Variants in ATG5 observed in about 807,000 individuals in gnomAD.
ATG5 encodes the protein autophagy related 5, also known as autophagy protein 5.
A neutral mutation model predicts 36.5 loss-of-function variants in ATG5; 14 were observed. That is an observed-to-expected ratio of 0.38 (90% confidence interval 0.25 to 0.60). The LOEUF (loss-of-function observed/expected upper bound fraction) is 0.60, where lower values mean the gene tolerates loss of function less well. ATG5 is among the 20% of genes least tolerant of loss of function. ATG5 has a pLI of 0.60. For missense variants in ATG5, 195 were observed against 326.7 expected (o/e 0.60, Z 3.11); for synonymous variants, 95 against 101.5 (o/e 0.94, Z 0.38).
intron 4 of ATG5, chr6:106,283,356 A>G (rs1779951038): frequency 6.6e-6 from 1 of 152,178 alleles, no homozygotes; most frequent in Non-Finnish European, 1.5e-5. Context: ...ACAGAGTAAC[A>G]AAGCTTGTAA....
In ATG5 at chr6:106,199,615, T is replaced by C. The variant is rs537452216; in HGVS notation, c.691+2357A>G. On this transcript the variant is annotated intron_variant, in intron 7 of 7. Coordinates refer to ENST00000369076, the MANE Select transcript of ATG5 (RefSeq NM_004849.4). ...TGGAAATGTTCTAAAAACCAAATTG[T>C]GGTGATGGTTGCACAACTCTATAAA... is the stretch of plus-strand genomic sequence containing the variant. Among the ~76,000 whole-genome samples, 4 of 152,286 alleles carry C rather than the reference T, an allele frequency of 2.6e-5. No homozygotes were observed. In the East Asian group the frequency reaches 5.8e-4, roughly 22 times the overall value.
chr6:106,253,598 C>G (rs1191753820), intron 5 of ATG5, among the ~76,000 whole-genome samples: 2 of 152,158 alleles, frequency 1.3e-5, no homozygotes, highest in Non-Finnish European at 2.9e-5. Flanking sequence ...AATTACTTCT[C>G]TCCGTGTTCA....
chr6:106,293,132 G>A, intron 3 of ATG5, 26 bp from the exon 4 acceptor site: 3 of 1,583,218 alleles, frequency 1.9e-6, no homozygotes, highest in Non-Finnish European at 2.6e-6. Context: ...TATATTTTGA[G>A]AAAATAAATA....
At chr6:106,289,921 T>C (rs1366836582) in intron 4 of ATG5, among the ~76,000 whole-genome samples, 1 of 152,170 alleles carries the variant, frequency 6.6e-6, no homozygotes, top group Non-Finnish European at 1.5e-5. Flanking sequence ...TAAAGAAAAT[T>C]CAGGCTCACA....
Position 106,293,031 on chromosome 6 carries a change from A to G in ATG5, c.312T>C (p.Phe104=). 6.2e-7 allele frequency: 1 copy of G among 1,612,008 alleles called. No homozygotes were observed. The highest frequency in any genetic ancestry group is 1.1e-5 in the South Asian group (1 of 90,888). The change falls in exon 4 of 8, where the codon TTT becomes TTC. Residue 104 remains phenylalanine, a synonymous_variant. Transcript: ENST00000369076. The part of the protein sequence containing the change: ...SALPWNITVH[F]KSFPEKDLLH... ...GGAGAAATGCAATTTACTATACCTT[A>G]AAATGTACTGTGATGTTCCAAGGAA...
At position 106,202,077 on chromosome 6, in the gene ATG5, T is replaced by C. The variant is rs779600061; in HGVS notation, c.586A>G (p.Arg196Gly). 6.8e-6 allele frequency: 11 copies of C among 1,613,706 alleles called. No homozygotes were observed. Among genetic ancestry groups the C allele is most frequent in the Non-Finnish European group, 9.3e-6 (11 of 1,179,642 alleles). Residue 196 changes from arginine to glycine, a missense_variant, in exon 7 of 8, where the codon AGA (arginine) becomes GGA (glycine). Physicochemically the swap from Arg to Gly is moderately radical, Grantham distance 125 (BLOSUM62 -2). Coordinates refer to ENST00000369076, the MANE Select transcript of ATG5 (RefSeq NM_004849.4). ...CGAAACAGCTTCTGAATGAAAGGTC[T>C]TTCAGTCGTTGTCTATTTGAAAAAG... ...PFRIYQTTTE[R>G]PFIQKLFRPV...
At chr6:106,201,780 G>A (rs1776440918) in intron 7 of ATG5, 192 bp downstream of exon 7, 3 of 360,864 alleles carry the variant, frequency 8.3e-6, no homozygotes, top group Admixed American at 4.3e-5. Flanking sequence ...CGCCAGTCGA[G>A]TCATCATTTT....
In ATG5 at chr6:106,186,596, G is replaced by A; in HGVS notation, c.772C>T (p.Leu258=). 1 of 1,613,716 alleles carries A rather than the reference G, an allele frequency of 6.2e-7. No individual in the cohort carries two copies. The highest frequency in any genetic ancestry group is 8.5e-7 in the Non-Finnish European group (1 of 1,179,694). Residue 258 remains leucine (L), a synonymous_variant, in exon 8 of 8, where the codon CTG becomes TTG. Transcript: ENST00000369076. ...TGAAGAAAATTATCCGGGTAGCTCAGATGTTCACTCAGCCACTGCAGAGGT... is the reference window on the plus strand; with the variant it reads ...TGAAGAAAATTATCCGGGTAGCTCAAATGTTCACTCAGCCACTGCAGAGGT... ...ETPLQWLSEH[L]SYPDNFLHIS...
chr6:106,184,706 T>G lies in ATG5; in HGVS notation c.*1834A>C, dbSNP rs1775702470. On this transcript the variant is annotated 3_prime_UTR_variant, in exon 8 of 8. Coordinates refer to ENST00000369076, the MANE Select transcript of ATG5 (RefSeq NM_004849.4). ...TTTACTTTCAAATCTAGATCAGAAG[T>G]TCACTCAAGCCTACTGCAAAGGCCT... is the stretch of plus-strand genomic sequence containing the variant. 6.6e-6 allele frequency: 1 copy of G among 152,256 alleles called. No individual in the cohort carries two copies. Among genetic ancestry groups the G allele is most frequent in the African/African-American group, 2.4e-5 (1 of 41,444 alleles). 9.4% of individuals were successfully genotyped at this position (152,256 alleles called of 1,614,324 possible).
In ATG5 at chr6:106,292,894, C is replaced by T. The variant is rs1780371481; in HGVS notation, c.315+134G>A. 2 of 661,446 alleles carry T rather than the reference C, an allele frequency of 3.0e-6. 1 individual carries two copies. The allele number at this position is 661,446 out of a possible 1,614,324, so 41.0% of individuals were successfully genotyped here. A position where few individuals can be genotyped will look rare whatever the true frequency, so the allele number is the denominator to read the frequency against. On this transcript the variant is annotated intron_variant, in intron 4 of 7. Transcript: ENST00000369076. ...TTGAAAAGTATCTTATAGACAAATA[C>T]TAATCGAAGCTTAGCAACTAAAACA...
At chr6:106,189,278 G>A (rs1003705633) in intron 7 of ATG5, among the ~76,000 whole-genome samples, 9 of 151,982 alleles carry the variant, frequency 5.9e-5, no homozygotes, top group African/African-American at 1.9e-4. Context: ...TAACAACAAA[G>A]TATGAAGGAC....
intron 5 of ATG5, among the ~76,000 whole-genome samples, chr6:106,276,045 C>G (rs1477712279): frequency 1.3e-5 from 2 of 152,232 alleles, no homozygotes; most frequent in Non-Finnish European, 2.9e-5. Context: ...TGACTTCTCA[C>G]TAACTCTTTT....
chr6:106,283,749 G>C (rs147486548), intron 4 of ATG5: 4 of 152,184 alleles, frequency 2.6e-5, no homozygotes, highest in Non-Finnish European at 5.9e-5. Flanking sequence ...CCAATGAAAC[G>C]ATCTGTGCAG....
At chr6:106,282,819 C>G (rs1028977798) in intron 4 of ATG5, among the ~76,000 whole-genome samples, 1 of 152,114 alleles carries the variant, frequency 6.6e-6, no homozygotes, top group Non-Finnish European at 1.5e-5. Flanking sequence ...GAGGGTCTCA[C>G]TGTGCCACCC....
At chr6:106,281,419 AT>A (rs1256962241) in intron 4 of ATG5, among the ~76,000 whole-genome samples, 1 of 152,210 alleles carries the variant, frequency 6.6e-6, no homozygotes, top group Non-Finnish European at 1.5e-5. Context: ...ATAAAATCTC[AT>A]ATAAACAGAA....
chr6:106,264,039 ACT>A (rs1290724594), intron 5 of ATG5, among the ~76,000 whole-genome samples: 1 of 152,116 alleles, frequency 6.6e-6, no homozygotes, highest in Non-Finnish European at 1.5e-5. Context: ...GTAATAACAA[ACT>A]CTTCTGAGCT....
chr6:106,232,069 C>T (rs922642671), intron 6 of ATG5, among the ~76,000 whole-genome samples: 2 of 152,208 alleles, frequency 1.3e-5, no homozygotes, highest in Admixed American at 6.5e-5. Flanking sequence ...CGTAGGTCCT[C>T]TGAGTCAGAA....
At chr6:106,227,779 C>T (rs1056347187) in intron 6 of ATG5, among the ~76,000 whole-genome samples, 11 of 152,230 alleles carry the variant, frequency 7.2e-5, no homozygotes, top group Non-Finnish European at 1.3e-4. Context: ...TGTTCTTGCA[C>T]TGTTCTGGTT....
chr6:106,247,300 C>T (rs1194920805), intron 6 of ATG5, among the ~76,000 whole-genome samples: 1 of 152,050 alleles, frequency 6.6e-6, no homozygotes, highest in African/African-American at 2.4e-5. Context: ...ATGTAACTTA[C>T]TTCCTGGAAT....
Sources: gnomAD v4.1 joint callset for allele counts (sites outside exome capture counted in the v4.1 genomes callset) on GRCh38, gnomAD v4.1.1 for gene constraint, MANE v1.5 for transcripts, NCBI Gene and HGNC (gene_info 2026-07-23, HGNC 2026-07-21) for gene names.